Variants in CDK6 observed in about 807,000 individuals in gnomAD.
CDK6 encodes the protein cyclin-dependent kinase 6.
Under a neutral mutation model 37.1 loss-of-function variants are expected in CDK6, and 6 were observed. The ratio of observed to expected loss-of-function variants is 0.16; its 90% CI spans 0.09 to 0.32. CDK6 has a LOEUF of 0.32. Ranked by LOEUF, CDK6 falls within the 10% of genes least tolerant of loss-of-function variation. CDK6 has a pLI of 1.00. For synonymous variants in CDK6, 160 were observed against 161.3 expected (o/e 0.99, Z 0.06); for missense variants, 224 against 418.9 (o/e 0.53, Z 4.06).
In CDK6 at chr7:92,719,728, A is replaced by C. The variant is rs185479834; in HGVS notation, c.537+5898T>G. 1.2e-3 allele frequency among the ~76,000 whole-genome samples: 188 copies of C among 152,306 alleles called. 1 individual carries two copies. Among genetic ancestry groups the C allele is most frequent in the African/African-American group, 4.0e-3 (165 of 41,556 alleles). On this transcript the variant is annotated intron_variant, in intron 4 of 7. Transcript: ENST00000424848. ...CATTAAATGATTGTATAAAGGCCCC[A>C]AAAATACAAAGATACTGAGGTACCA...
intron 4 of CDK6, among the ~76,000 whole-genome samples, chr7:92,695,863 C>T (rs1360404829): frequency 6.6e-6 from 1 of 152,190 alleles, no homozygotes; most frequent in Non-Finnish European, 1.5e-5. Flanking sequence ...ACGTTAACCC[C>T]TTGGATTCTG....
At chr7:92,684,944 T>C (rs1335377570) in intron 4 of CDK6, among the ~76,000 whole-genome samples, 1 of 152,170 alleles carries the variant, frequency 6.6e-6, no homozygotes, top group African/African-American at 2.4e-5. Context: ...ATCTAGATTT[T>C]ACCATCTGAT....
intron 3 of CDK6, among the ~76,000 whole-genome samples, chr7:92,741,293 T>C (rs1421281352): frequency 1.3e-5 from 2 of 152,208 alleles, no homozygotes; most frequent in Non-Finnish European, 2.9e-5. Context: ...GTGGCTATGT[T>C]TGCATTAGGA....
intron 3 of CDK6, among the ~76,000 whole-genome samples, chr7:92,742,635 A>G (rs1798951086): frequency 6.6e-6 from 1 of 152,184 alleles, no homozygotes; most frequent in Non-Finnish European, 1.5e-5. Flanking sequence ...AAAGTAGTAC[A>G]ATGGTAGGCT....
chr7:92,749,348 G>A (rs985284366), intron 3 of CDK6, among the ~76,000 whole-genome samples: 3 of 152,110 alleles, frequency 2.0e-5, no homozygotes, highest in African/African-American at 7.2e-5. Flanking sequence ...GTGGTAGTGT[G>A]CACCTGTAGT....
intron 4 of CDK6, among the ~76,000 whole-genome samples, chr7:92,698,718 A>G (rs954859742): frequency 6.6e-6 from 1 of 152,174 alleles, no homozygotes; most frequent in African/African-American, 2.4e-5. Flanking sequence ...GCACTGCACC[A>G]TTGTTCCCAG....
At chr7:92,770,726 G>T (rs898266579) in intron 3 of CDK6, among the ~76,000 whole-genome samples, 6 of 151,922 alleles carry the variant, frequency 3.9e-5, no homozygotes, top group Non-Finnish European at 7.4e-5. Context: ...AAGACACCAT[G>T]GAGCATCCTA....
chr7:92,689,906 T>C (rs1320642491), intron 4 of CDK6, among the ~76,000 whole-genome samples: 22 of 152,250 alleles, frequency 1.4e-4, no homozygotes, highest in Admixed American at 1.3e-3. Context: ...TTTTCGTGAT[T>C]GTTGGCTGCA....
chr7:92,762,583 T>C (rs1229578095), intron 3 of CDK6, among the ~76,000 whole-genome samples: 1 of 152,080 alleles, frequency 6.6e-6, no homozygotes, highest in Non-Finnish European at 1.5e-5. Context: ...TTTTTTTTTT[T>C]TTGAGATGGA....
intron 5 of CDK6, among the ~76,000 whole-genome samples, chr7:92,645,816 T>A (rs1796433024): frequency 6.6e-6 from 1 of 152,208 alleles, no homozygotes; most frequent in African/African-American, 2.4e-5. Context: ...TCCTTCGGAG[T>A]TTATTTACTT....
intron 4 of CDK6, among the ~76,000 whole-genome samples, chr7:92,687,310 T>A (rs1401357549): frequency 6.6e-6 from 1 of 152,200 alleles, no homozygotes; most frequent in African/African-American, 2.4e-5. Flanking sequence ...GACTGGGGTT[T>A]ACTAGCTAAT....
intron 4 of CDK6, among the ~76,000 whole-genome samples, chr7:92,721,360 T>C (rs1798360725): frequency 6.6e-6 from 1 of 152,076 alleles, no homozygotes; most frequent in African/African-American, 2.4e-5. Flanking sequence ...TCAAGAGACA[T>C]GCTTCCTTGG....
At chr7:92,645,059 C>A (rs3731337) in intron 5 of CDK6, among the ~76,000 whole-genome samples, 14 of 152,304 alleles carry the variant, frequency 9.2e-5, no homozygotes, top group African/African-American at 3.4e-4. Context: ...CACCCCCACA[C>A]GCAAAAGCTC....
At chr7:92,762,618 A>C (rs527876641) in intron 3 of CDK6, among the ~76,000 whole-genome samples, 341 of 148,374 alleles carry the variant, frequency 2.3e-3, no homozygotes, top group Non-Finnish European at 3.3e-3. Flanking sequence ...CCCAGGCTGT[A>C]GCGCAGTGGC....
At chr7:92,692,266 A>AAAAGAAAG (rs57165480) in intron 4 of CDK6, among the ~76,000 whole-genome samples, 7,307 of 147,800 alleles carry the variant, frequency 0.049, 340 homozygotes, top group East Asian at 0.25. Context: ...TCCGTCTCAA[A>AAAAGAAAG]AAAGAAAGAA....
chr7:92,699,513 T>A (rs1347151448), intron 4 of CDK6, among the ~76,000 whole-genome samples: 1 of 152,232 alleles, frequency 6.6e-6, no homozygotes, highest in East Asian at 1.9e-4. Flanking sequence ...TTTTTACTTA[T>A]TTCATGTCCT....
At chr7:92,624,164 A>G (rs187239728) in intron 5 of CDK6, among the ~76,000 whole-genome samples, 1 of 152,102 alleles carries the variant, frequency 6.6e-6, no homozygotes, top group Admixed American at 6.6e-5. Flanking sequence ...GAATGTTACT[A>G]TTCCTGAAAA....
At chr7:92,712,958 G>A (rs1204648463) in intron 4 of CDK6, among the ~76,000 whole-genome samples, 1 of 151,960 alleles carries the variant, frequency 6.6e-6, no homozygotes, top group Non-Finnish European at 1.5e-5. Context: ...CCGCCTCCTG[G>A]GTTCAAGCGA....
At chr7:92,712,452 T>C (rs1396113959) in intron 4 of CDK6, among the ~76,000 whole-genome samples, 14 of 152,150 alleles carry the variant, frequency 9.2e-5, no homozygotes, top group Admixed American at 9.2e-4. Context: ...TTGAAAAAAT[T>C]TGATGCCTTT....
Sources: gnomAD v4.1 joint callset for allele counts (sites outside exome capture counted in the v4.1 genomes callset) on GRCh38, gnomAD v4.1.1 for gene constraint, MANE v1.5 for transcripts, NCBI Gene and HGNC (gene_info 2026-07-23, HGNC 2026-07-21) for gene names.